Variants in ITGA1 observed in about 807,000 individuals in gnomAD.
ITGA1 encodes integrin alpha-1.
Under a neutral mutation model 145.9 loss-of-function variants are expected in ITGA1, and 85 were observed. The observed-to-expected ratio is 0.58, with a 90% CI of 0.49 to 0.70. The LOEUF is 0.70. Among genes scored for constraint, ITGA1 ranks in the 30% least tolerant of loss-of-function variants. The pLI is 0.00. For missense variants in ITGA1, 1,351 were observed against 1,418.7 expected, an observed-to-expected ratio of 0.95 and a Z score of 0.77; for synonymous variants, 520 against 495.3, an observed-to-expected ratio of 1.05 and a Z score of -0.66.
intron 1 of ITGA1, chr5:52,800,637 G>A (rs367564121): frequency 1.2e-6 from 2 of 1,614,140 alleles, no homozygotes; most frequent in African/African-American, 1.3e-5. Context: ...CCTGCCAGCT[G>A]CGGGTTAAGG....
At chr5:52,888,885 A>T (rs536934216) in intron 8 of ITGA1, among the ~76,000 whole-genome samples, 6 of 152,292 alleles carry the variant, frequency 3.9e-5, no homozygotes, top group African/African-American at 1.4e-4. Flanking sequence ...AAGTCCTCTG[A>T]TGAGACGTGT....
rs553133434 is a variant in ITGA1 at position 52,816,619 on chromosome 5, G to A, written c.61+28205G>A. Among the ~76,000 whole-genome samples the A allele has an allele frequency of 6.6e-5, 10 of 152,158 alleles. No individual in the cohort carries two copies. The East Asian group carries it at 1.9e-3, about 29-fold the overall frequency. On this transcript the variant is annotated intron_variant, in intron 1 of 28. Transcript: ENST00000282588. The stretch of plus-strand genomic sequence containing the variant: ...AATAGGTCCACCATTAGCTATTCTG[G>A]CCATACCTCTCTTAGAGATTGGGGT...
chr5:52,911,089 G>C (rs887056034), intron 14 of ITGA1, among the ~76,000 whole-genome samples: 1 of 125,420 alleles, frequency 8.0e-6, no homozygotes, highest in Non-Finnish European at 1.5e-5. Flanking sequence ...AGTATATATA[G>C]TGTATATATA....
intron 2 of ITGA1, among the ~76,000 whole-genome samples, chr5:52,856,708 G>T (rs1749518775): frequency 7.7e-6 from 1 of 130,662 alleles, no homozygotes; most frequent in Non-Finnish European, 1.7e-5. Flanking sequence ...GAGAGAGAGA[G>T]AGAGAAGCCA....
chr5:52,865,915 A>T (rs988587851), intron 6 of ITGA1, 98 bp downstream of exon 6: 1 of 967,746 alleles, frequency 1.0e-6, no homozygotes, highest in Non-Finnish European at 1.4e-6. Flanking sequence ...AATCAATAAA[A>T]CTAAAGTTGA....
At chr5:52,793,147 T>C (rs1431479071) in intron 1 of ITGA1, among the ~76,000 whole-genome samples, 1 of 152,084 alleles carries the variant, frequency 6.6e-6, no homozygotes, top group African/African-American at 2.4e-5. Flanking sequence ...TTTGCTTCTA[T>C]TATATAATGC....
At chr5:52,876,123 C>T (rs966481050) in intron 6 of ITGA1, among the ~76,000 whole-genome samples, 3 of 152,182 alleles carry the variant, frequency 2.0e-5, no homozygotes, top group Non-Finnish European at 4.4e-5. Flanking sequence ...CTTGCTTCCT[C>T]ACGATGTTCA....
intron 7 of ITGA1, among the ~76,000 whole-genome samples, chr5:52,887,575 T>C (rs906124341): frequency 1.3e-4 from 20 of 152,122 alleles, no homozygotes; most frequent in Non-Finnish European, 2.5e-4. Context: ...ACTGCTGCCT[T>C]TTTATATATA....
chr5:52,891,601 A>C (rs1054353578), intron 8 of ITGA1, among the ~76,000 whole-genome samples: 1 of 151,112 alleles, frequency 6.6e-6, no homozygotes, highest in Non-Finnish European at 1.5e-5. Flanking sequence ...TTCAGGTAAC[A>C]CTTGCAACTA....
At chr5:52,894,195 T>G (rs938849008) in intron 9 of ITGA1, among the ~76,000 whole-genome samples, 4 of 152,036 alleles carry the variant, frequency 2.6e-5, no homozygotes. Context: ...CTGGTTTGGG[T>G]TTTTTTTGTT....
chr5:52,925,823 G>A (rs534190061), intron 19 of ITGA1, among the ~76,000 whole-genome samples: 51 of 152,244 alleles, frequency 3.3e-4, no homozygotes, highest in African/African-American at 1.2e-3. Flanking sequence ...GACGTACAGA[G>A]AGGTACCTCT....
chr5:52,910,984 T>C (rs1445928924), intron 14 of ITGA1, among the ~76,000 whole-genome samples: 4 of 118,598 alleles, frequency 3.4e-5, no homozygotes, highest in African/African-American at 6.8e-5. Context: ...ATATAGTATG[T>C]ATACTATATA....
At chr5:52,946,271 GT>G (rs1751134315) in intron 27 of ITGA1, among the ~76,000 whole-genome samples, 1 of 152,158 alleles carries the variant, frequency 6.6e-6, no homozygotes, top group Non-Finnish European at 1.5e-5. Context: ...AGTGGCTCAT[GT>G]CTGTCATCCC....
intron 1 of ITGA1, among the ~76,000 whole-genome samples, chr5:52,821,881 A>G (rs903706444): frequency 2.0e-5 from 3 of 152,194 alleles, no homozygotes; most frequent in African/African-American, 7.2e-5. Flanking sequence ...AAAAAGGTGT[A>G]TGGACTTTGA....
At chr5:52,925,553 A>G (rs1561251416) in intron 19 of ITGA1, 66 bp downstream of exon 19, 1 of 1,189,050 alleles carries the variant, frequency 8.4e-7, no homozygotes, top group Non-Finnish European at 1.2e-6. Flanking sequence ...TTTTCATGCT[A>G]CTGAGATAAT....
intron 26 of ITGA1, among the ~76,000 whole-genome samples, chr5:52,941,094 T>C (rs1751047336): frequency 6.6e-6 from 1 of 152,232 alleles, no homozygotes; most frequent in South Asian, 2.1e-4. Context: ...TGTATGTTGC[T>C]GCAAAGGACA....
chr5:52,912,361 G>A lies in ITGA1; in HGVS notation c.1857+1942G>A, dbSNP rs140161214. Among the ~76,000 whole-genome samples, 286 of 143,180 alleles carry A rather than the reference G, an allele frequency of 2.0e-3. 4 individuals are homozygous for A. The highest frequency in any genetic ancestry group is 7.4e-4 in the Non-Finnish European group (49 of 65,948). The allele number at this position is 143,180 out of a possible 152,430, so 93.9% of individuals were successfully genotyped here. On this transcript the variant is annotated intron_variant, in intron 14 of 28. Transcript: ENST00000282588. Reference sequence around the variant, plus strand: ...GTATCCAGTATATGTATTATATATAGTGTATCCAGTATATGTATTATATAT... The same window carrying A: ...GTATCCAGTATATGTATTATATATAATGTATCCAGTATATGTATTATATAT...
chr5:52,914,487 T>A (rs527398277), intron 14 of ITGA1, among the ~76,000 whole-genome samples: 110 of 151,964 alleles, frequency 7.2e-4, no homozygotes, highest in African/African-American at 2.6e-3. Flanking sequence ...ATACAAAAAA[T>A]TAGCCGGGCA....
rs143833764 is a variant in ITGA1, at chr5:52,898,341, G to A, written c.1267G>A (p.Val423Ile). The change falls in exon 11 of 29, where the codon GTT (valine) becomes ATT (isoleucine). Residue 423 changes from valine to isoleucine, a missense_variant. By Grantham distance (29) the Val-to-Ile change is conservative. Transcript: ENST00000282588. ...AATCCCTCGAAACACAACCTTTAAT[G>A]TTGAGTCTACCAAAAAGAATGAACC... ...IIIPRNTTFNVESTKKNEPLA... is the reference protein window; with the variant it reads ...IIIPRNTTFNIESTKKNEPLA... The A allele has an allele frequency of 1.2e-6, 2 of 1,610,878 alleles. No individual in the cohort carries two copies. Among genetic ancestry groups the A allele is most frequent in the South Asian group, 2.2e-5 (2 of 90,646 alleles).
Sources: allele counts gnomAD v4.1 joint callset (sites outside exome capture counted in the v4.1 genomes callset), GRCh38; gene constraint gnomAD v4.1.1; transcripts MANE v1.5; gene names NCBI Gene and HGNC (gene_info 2026-07-23, HGNC 2026-07-21).